SLC12A2: variants seen among roughly 807,000 people sequenced by gnomAD.
SLC12A2 encodes the protein solute carrier family 12 member 2.
A neutral mutation model predicts 136.3 loss-of-function variants in SLC12A2; 67 were observed. That is an observed-to-expected ratio of 0.49 (90% CI 0.40 to 0.60). The LOEUF (loss-of-function observed/expected upper bound fraction) is 0.60, where lower values mean the gene tolerates loss of function less well. Among genes scored for constraint, SLC12A2 ranks in the 20% least tolerant of loss-of-function variants. The probability of loss-of-function intolerance (pLI) is 0.00; values close to 1 mark genes in which losing one functional copy is unlikely to be tolerated. For synonymous variants in SLC12A2, 619 were observed against 562.9 expected (o/e 1.10, Z -1.41); for missense variants, 1,322 against 1,534.7 (o/e 0.86, Z 2.32).
At chr5:128,129,512 G>T (rs892116555) in intron 4 of SLC12A2, among the ~76,000 whole-genome samples, 2 of 151,248 alleles carry the variant, frequency 1.3e-5, no homozygotes, top group South Asian at 2.1e-4. Flanking sequence ...TGAAAACTAA[G>T]AAAGTTTTAT....
chr5:128,135,846 A>G, intron 7 of SLC12A2, 38 bp downstream of exon 7: 1 of 1,075,718 alleles, frequency 9.3e-7, no homozygotes, highest in Non-Finnish European at 1.4e-6. Flanking sequence ...AAGGGTACCT[A>G]TTTATAGAAT....
At position 128,188,101 on chromosome 5, in the gene SLC12A2, CAT is replaced by C. The variant is rs1389040808; in HGVS notation, c.*1473_*1474del. ...TTAGGCAAACTTTGGTTTAAGTAAACATATGTTCAAAATCAGATTAACAGATA... is the reference window on the plus strand; with the variant it reads ...TTAGGCAAACTTTGGTTTAAGTAAACATGTTCAAAATCAGATTAACAGATA... On this transcript the variant is annotated 3_prime_UTR_variant, in exon 27 of 27. Transcript: ENST00000262461. The C allele has an allele frequency of 2.7e-5, 3 of 111,726 alleles. No individual in the cohort carries two copies. The highest frequency in any genetic ancestry group is 1.7e-4 in the Admixed American group (2 of 11,430). 6.9% of individuals were successfully genotyped at this position (111,726 alleles called of 1,614,324 possible). A position where few individuals can be genotyped will look rare whatever the true frequency, so the allele number is the denominator to read the frequency against.
intron 4 of SLC12A2, 100 bp from the exon 5 acceptor site, chr5:128,130,964 TGGG>T: frequency 1.9e-6 from 2 of 1,036,696 alleles, no homozygotes; most frequent in Non-Finnish European, 2.9e-6. Context: ...CTCTGCTTAT[TGGG>T]GGCATCTGCT....
chr5:128,126,037 A>G (rs1417940113), intron 4 of SLC12A2, among the ~76,000 whole-genome samples: 1 of 152,138 alleles, frequency 6.6e-6, no homozygotes, highest in Non-Finnish European at 1.5e-5. Flanking sequence ...TGCTGGTACT[A>G]TCTTGTATTG....
At chr5:128,145,765 CT>C (rs1407157414) in intron 10 of SLC12A2, among the ~76,000 whole-genome samples, 1 of 151,990 alleles carries the variant, frequency 6.6e-6, no homozygotes, top group East Asian at 1.9e-4. Context: ...CCGTTGCTAA[CT>C]TTCCATTTTG....
chr5:128,158,621 G>A (rs532394741), intron 16 of SLC12A2, among the ~76,000 whole-genome samples: 1 of 152,164 alleles, frequency 6.6e-6, no homozygotes, highest in Non-Finnish European at 1.5e-5. Flanking sequence ...CATTTAGGTT[G>A]ATTCCATGTC....
chr5:128,097,359 C>T (rs965095541), intron 1 of SLC12A2, among the ~76,000 whole-genome samples: 1 of 152,126 alleles, frequency 6.6e-6, no homozygotes, highest in African/African-American at 2.4e-5. Context: ...GTTTCCAATG[C>T]TGCCTATAGA....
intron 1 of SLC12A2, among the ~76,000 whole-genome samples, chr5:128,108,173 A>G (rs1761015977): frequency 6.6e-6 from 1 of 152,114 alleles, no homozygotes. Flanking sequence ...GAAGAGGGCT[A>G]ACAATAGGCA....
At chr5:128,184,981 C>G in intron 26 of SLC12A2, 125 bp downstream of exon 26, 1 of 785,008 alleles carries the variant, frequency 1.3e-6, no homozygotes. Flanking sequence ...GAGGAAAAAA[C>G]AAACTTGTAA....
chr5:128,184,355 GT>G lies in SLC12A2; in HGVS notation c.3300-5del. 1.4e-6 allele frequency: 2 copies of G among 1,470,862 alleles called. No individual in the cohort carries two copies. The highest frequency in any genetic ancestry group is 9.1e-7 in the Non-Finnish European group (1 of 1,093,644). 91.1% of individuals were successfully genotyped at this position (1,470,862 alleles called of 1,614,324 possible). ...AAGATTAGTTGTCAGTATTCTTTCT[GT>G]TTTTTAAAGTATTATAGCTTTTGAG... On this transcript the variant is annotated splice_polypyrimidine_tract_variant and intron_variant, in intron 24 of 26. Transcript: ENST00000262461.
Position 128,138,585 on chromosome 5 carries a change from T to G in SLC12A2, c.1409-12T>G, listed in dbSNP as rs766697545. 6.2e-7 allele frequency: 1 copy of G among 1,602,072 alleles called. No homozygotes were observed. The highest frequency in any genetic ancestry group is 2.2e-5 in the East Asian group (1 of 44,732). On this transcript the variant is annotated splice_polypyrimidine_tract_variant and intron_variant, in intron 7 of 26. Transcript: ENST00000262461. ...TCTCCATTAATTGTCAAGAATATTT[T>G]GTTCTCTGCAGCTGAAATATTTAAT...
Position 128,117,418 on chromosome 5 carries a change from A to G in SLC12A2, c.1048+2737A>G, listed in dbSNP as rs1480824515. ...CACCTTTGAAACATACTCGGGAACCATCTTATGAAAATTGATAAATAAATA... is the reference window on the plus strand; with the variant it reads ...CACCTTTGAAACATACTCGGGAACCGTCTTATGAAAATTGATAAATAAATA... On this transcript the variant is annotated intron_variant, in intron 4 of 26. Transcript: ENST00000262461. 2.6e-5 allele frequency among the ~76,000 whole-genome samples: 4 copies of G among 152,238 alleles called. 1 individual carries two copies. The highest frequency in any genetic ancestry group is 9.6e-5 in the African/African-American group (4 of 41,470).
At chr5:128,117,716 A>G (rs1259483148) in intron 4 of SLC12A2, among the ~76,000 whole-genome samples, 1 of 152,218 alleles carries the variant, frequency 6.6e-6, no homozygotes, top group Non-Finnish European at 1.5e-5. Flanking sequence ...AAACAAAACT[A>G]AATGGGACCT....
chr5:128,144,403 G>GGA (rs1341316386), intron 10 of SLC12A2, among the ~76,000 whole-genome samples: 3 of 151,996 alleles, frequency 2.0e-5, no homozygotes, highest in African/African-American at 7.2e-5. Context: ...TATGTAAGTT[G>GGA]GAGTCTCCAT....
At chr5:128,089,456 A>G (rs1260725170) in intron 1 of SLC12A2, among the ~76,000 whole-genome samples, 1 of 152,168 alleles carries the variant, frequency 6.6e-6, no homozygotes, top group Non-Finnish European at 1.5e-5. Flanking sequence ...TCTGACTTTA[A>G]TGCTAGGACA....
At chr5:128,169,988 A>G (rs748834192) in intron 18 of SLC12A2, 11 of 152,186 alleles carry the variant, frequency 7.2e-5, no homozygotes, top group Non-Finnish European at 1.5e-4. Flanking sequence ...CATGTAAATT[A>G]ATAGCAGTTT....
In SLC12A2 at chr5:128,096,269, A is replaced by G. The variant is rs947352742; in HGVS notation, c.756+11559A>G. ...TGTTTTTACTCATTAAGTATGAACA[A>G]AACATGGTTATGTTGCTATTAAGAG... On this transcript the variant is annotated intron_variant, in intron 1 of 26. Transcript: ENST00000262461. Among the ~76,000 whole-genome samples the G allele has an allele frequency of 5.9e-5, 9 of 152,124 alleles. 1 individual carries two copies. The highest frequency in any genetic ancestry group is 5.9e-4 in the Admixed American group (9 of 15,258).
chr5:128,084,581 C>T lies in SLC12A2; in HGVS notation c.627C>T (p.Tyr209=), dbSNP rs115987674. The T allele has an allele frequency of 1.2e-5, 20 of 1,613,738 alleles. No individual in the cohort carries two copies. Among genetic ancestry groups the T allele is most frequent in the African/African-American group, 5.3e-5 (4 of 75,058 alleles). The part of the protein sequence containing the change: ...YYYDTHTNTY[Y]LRTFGHNTMD... ...ATGATACCCACACCAACACCTACTA[C>T]CTGCGCACCTTCGGCCACAACACCA... The change falls in exon 1 of 27, where the codon TAC becomes TAT. Residue 209 remains tyrosine, a synonymous_variant. Transcript: ENST00000262461. This position sits in a 1 kb window ranked among gnomAD's most constrained non-coding sequence, Gnocchi z 5.6.
chr5:128,085,601 CT>C (rs931626653), intron 1 of SLC12A2, among the ~76,000 whole-genome samples: 2 of 152,236 alleles, frequency 1.3e-5, no homozygotes, highest in Non-Finnish European at 2.9e-5. Flanking sequence ...TAATGTTTAA[CT>C]TTTTTATGAG....
Sources: allele counts gnomAD v4.1 joint callset (sites outside exome capture counted in the v4.1 genomes callset), GRCh38; gene constraint gnomAD v4.1.1; non-coding constraint Gnocchi (gnomAD v3.1); transcripts MANE v1.5; gene names NCBI Gene and HGNC (gene_info 2026-07-23, HGNC 2026-07-21).